ZEB1: variants seen among roughly 807,000 people sequenced by gnomAD.
ZEB1 encodes zinc finger E-box binding homeobox 1, also known as zinc finger E-box-binding homeobox 1.
A neutral mutation model predicts 84.9 loss-of-function variants in ZEB1; 21 were observed. The ratio of observed to expected loss-of-function variants is 0.25; its 90% confidence interval spans 0.18 to 0.36. ZEB1 has a LOEUF of 0.36. ZEB1 is among the 10% of genes least tolerant of loss of function. The pLI is 1.00. For synonymous variants in ZEB1, 420 were observed against 471.1 expected (o/e 0.89, Z 1.41); for missense variants, 1,104 against 1,330.2 (o/e 0.83, Z 2.65).
chr10:31,509,330 GA>G (rs2069553035), intron 4 of ZEB1, among the ~76,000 whole-genome samples: 1 of 152,150 alleles, frequency 6.6e-6, no homozygotes, highest in Non-Finnish European at 1.5e-5. Context: ...TCCATGGTGG[GA>G]ATGTGGACCC....
intron 6 of ZEB1, among the ~76,000 whole-genome samples, chr10:31,517,366 T>G (rs949060061): frequency 2.0e-5 from 3 of 152,002 alleles, no homozygotes; most frequent in African/African-American, 4.8e-5. Context: ...CTACCAGACC[T>G]CCACTCAGAT....
chr10:31,319,305 G>C lies in ZEB1; in HGVS notation c.58+13G>C, dbSNP rs746611167. On this transcript the variant is annotated intron_variant, in intron 1 of 8. Coordinates refer to ENST00000424869, the MANE Select transcript of ZEB1 (RefSeq NM_001174096.2). ...CGGCGCAATAACGGTGAGTGGCGGAGGGGACCGGGGAGCGGCGGAGTCAGG... is the reference window on the plus strand; with the variant it reads ...CGGCGCAATAACGGTGAGTGGCGGACGGGACCGGGGAGCGGCGGAGTCAGG... 5 of 1,604,948 alleles carry C rather than the reference G, an allele frequency of 3.1e-6. No homozygotes were observed. Among genetic ancestry groups the C allele is most frequent in the Non-Finnish European group, 4.2e-6 (5 of 1,176,792 alleles).
chr10:31,517,081 C>T (rs172683), intron 6 of ZEB1, among the ~76,000 whole-genome samples: 140,285 of 152,154 alleles, frequency 0.92, 64,865 homozygotes, highest in East Asian at 1. Context: ...ACAAAGCCAA[C>T]TGGTCATTCA....
intron 1 of ZEB1, among the ~76,000 whole-genome samples, chr10:31,379,044 G>T (rs190821246): frequency 2.0e-5 from 3 of 151,860 alleles, no homozygotes; most frequent in East Asian, 1.9e-4. Context: ...AAAATACCCC[G>T]TTATTTTATG....
At chr10:31,393,171 G>C (rs779273601) in intron 1 of ZEB1, among the ~76,000 whole-genome samples, 2 of 152,116 alleles carry the variant, frequency 1.3e-5, no homozygotes, top group Admixed American at 1.3e-4. Flanking sequence ...AAATTAAATT[G>C]TGCTTAAAGA....
At chr10:31,359,342 C>CT (rs958962947) in intron 1 of ZEB1, among the ~76,000 whole-genome samples, 1 of 151,604 alleles carries the variant, frequency 6.6e-6, no homozygotes, top group African/African-American at 2.4e-5. Context: ...AATGAGAACT[C>CT]TTATGTGTTA....
intron 1 of ZEB1, among the ~76,000 whole-genome samples, chr10:31,333,670 A>G (rs2037311861): frequency 6.6e-6 from 1 of 152,056 alleles, no homozygotes; most frequent in Non-Finnish European, 1.5e-5. Flanking sequence ...AAAAGAGAAG[A>G]CAAGTAGCAC....
chr10:31,398,517 T>C (rs1300315176), intron 1 of ZEB1, among the ~76,000 whole-genome samples: 3 of 152,034 alleles, frequency 2.0e-5, no homozygotes, highest in Non-Finnish European at 4.4e-5. Flanking sequence ...AATGTTGAGT[T>C]TTTTCCCCCA....
At chr10:31,324,239 C>G (rs955998124) in intron 1 of ZEB1, among the ~76,000 whole-genome samples, 2 of 151,988 alleles carry the variant, frequency 1.3e-5, no homozygotes, top group African/African-American at 4.8e-5. Context: ...ATACTGTTTT[C>G]TTCCTTTCTC....
chr10:31,514,705 A>T lies in ZEB1; in HGVS notation c.790A>T (p.Ser264Cys). The T allele has an allele frequency of 6.2e-7, 1 of 1,610,804 alleles. No individual in the cohort carries two copies. Among genetic ancestry groups the T allele is most frequent in the Non-Finnish European group, 8.5e-7 (1 of 1,177,736 alleles). The change falls in exon 6 of 9, where the codon AGT becomes TGT. Residue 264 changes from serine to cysteine, a missense_variant. Ser to Cys is a moderately radical substitution (Grantham distance 112, BLOSUM62 -1). Around this residue, in one of 7 missense-constraint regions of ZEB1, gnomAD observed 3 missense variants for 30.2 expected, o/e 0.10. Coordinates refer to ENST00000424869, the MANE Select transcript of ZEB1 (RefSeq NM_001174096.2). ...CCTAAAAGAGCACTTAAGAATTCAC[A>T]GTGGTAAATATTTTTTTTCTTTCTA... The part of the protein sequence containing the change: ...HHLKEHLRIH[S>C]GEKPYECPNC...
At chr10:31,463,287 A>G (rs1215917029) in intron 2 of ZEB1, among the ~76,000 whole-genome samples, 1 of 152,200 alleles carries the variant, frequency 6.6e-6, no homozygotes, top group Admixed American at 6.5e-5. Flanking sequence ...GATTATTTGA[A>G]CTAACCCTTT....
intron 1 of ZEB1, among the ~76,000 whole-genome samples, chr10:31,359,397 A>T (rs779314344): frequency 7.2e-5 from 11 of 152,084 alleles, no homozygotes; most frequent in Admixed American, 5.9e-4. Context: ...AGAAGAAAGG[A>T]GTACATTGGA....
At chr10:31,410,712 A>G (rs563342376) in intron 1 of ZEB1, among the ~76,000 whole-genome samples, 4 of 152,252 alleles carry the variant, frequency 2.6e-5, no homozygotes, top group South Asian at 2.1e-4. Context: ...GGGATTTGAC[A>G]TCTTCCTGGT....
At chr10:31,367,510 C>A (rs1422106753) in intron 1 of ZEB1, among the ~76,000 whole-genome samples, 1 of 152,150 alleles carries the variant, frequency 6.6e-6, no homozygotes, top group East Asian at 1.9e-4. Context: ...CAACTATTAA[C>A]CTAATGTTCA....
chr10:31,319,509 T>C, intron 1 of ZEB1: 1 of 573,028 alleles, frequency 1.7e-6, no homozygotes, highest in East Asian at 3.0e-5. Flanking sequence ...CCGTTATGTC[T>C]CTTACCTGGT....
At chr10:31,419,213 G>A (rs912619982) in intron 1 of ZEB1, among the ~76,000 whole-genome samples, 1 of 150,936 alleles carries the variant, frequency 6.6e-6, no homozygotes, top group Admixed American at 6.6e-5. Flanking sequence ...AACTTAAGTG[G>A]AGATCTGAAC....
intron 1 of ZEB1, among the ~76,000 whole-genome samples, chr10:31,357,161 G>C (rs185198281): frequency 9.9e-4 from 151 of 152,208 alleles, no homozygotes; most frequent in African/African-American, 3.5e-3. Flanking sequence ...CTTTTTAAAA[G>C]AAGTACAAAA....
At chr10:31,407,755 G>C (rs1473333661) in intron 1 of ZEB1, among the ~76,000 whole-genome samples, 1 of 151,296 alleles carries the variant, frequency 6.6e-6, no homozygotes, top group Non-Finnish European at 1.5e-5. Context: ...AAAATAATAA[G>C]AGCTATCTAT....
At chr10:31,363,701 G>T (rs1353765574) in intron 1 of ZEB1, 21 of 1,227,960 alleles carry the variant, frequency 1.7e-5, no homozygotes, top group Non-Finnish European at 2.3e-5. Flanking sequence ...GGGCTGAGGT[G>T]TCCAAACATT....
Sources: allele counts gnomAD v4.1 joint callset (sites outside exome capture counted in the v4.1 genomes callset), GRCh38; gene constraint gnomAD v4.1.1; regional missense constraint gnomAD v4.1.1; transcripts MANE v1.5; gene names NCBI Gene and HGNC (gene_info 2026-07-23, HGNC 2026-07-21).